The following MCM8 variants were observed in gnomAD, a reference collection of about 807,000 sequenced individuals.
MCM8 encodes the protein DNA helicase MCM8.
In MCM8, 85 loss-of-function variants were observed where a neutral mutation model predicts 98.9. The ratio of observed to expected loss-of-function variants is 0.86; its 90% confidence interval spans 0.72 to 1.03. The LOEUF (loss-of-function observed/expected upper bound fraction) is 1.03. MCM8 is among the 50% of genes least tolerant of loss of function. MCM8 has a pLI of 0.00. For synonymous variants in MCM8, 352 were observed against 338.6 expected (o/e 1.04, Z -0.44); for missense variants, 951 against 997.8 (o/e 0.95, Z 0.63).
chr20:5,957,158 T>C lies in MCM8; in HGVS notation c.519T>C (p.Ala173=). The change falls in exon 6 of 19, where the codon GCT becomes GCC. Residue 173 remains alanine, a synonymous_variant. Transcript: ENST00000610722. ...VLTKDLERHA[A]ELQAQEGLSN... is the part of the protein sequence containing the mutation. ...CTAAGGACCTTGAAAGGCATGCAGC[T>C]GAGTTACAAGCCCAGGAAGGATTGT... 6.2e-7 allele frequency: 1 copy of C among 1,613,786 alleles called. No homozygotes were observed. The highest frequency in any genetic ancestry group is 8.5e-7 in the Non-Finnish European group (1 of 1,179,800).
chr20:5,982,522 G>A (rs2089649487), intron 13 of MCM8, among the ~76,000 whole-genome samples: 1 of 152,092 alleles, frequency 6.6e-6, no homozygotes, highest in Non-Finnish European at 1.5e-5. Flanking sequence ...TTCCCTATAA[G>A]TGCATACAAG....
chr20:5,960,832 G>C, intron 7 of MCM8, among the ~76,000 whole-genome samples: 1 of 152,214 alleles, frequency 6.6e-6, no homozygotes, highest in East Asian at 1.9e-4. Flanking sequence ...CTACTCGGGA[G>C]GCTGAGGCCG....
rs995800773 is a variant in MCM8 at position 5,967,994 on chromosome 20, G to A, written c.1192G>A (p.Ala398Thr). Residue 398 changes from alanine (A) to threonine (T), a missense_variant, in exon 10 of 19, where the codon GCT becomes ACT. Transcript: ENST00000610722. The stretch of plus-strand genomic sequence containing the variant: ...CCTTTATGCCATCCAAGAGATTCAA[G>A]CTGAAGAAAACCTGTTTAAACTCAT... The part of the protein sequence containing the change: ...KDLYAIQEIQ[A>T]EENLFKLIVN... The A allele has an allele frequency of 9.3e-6, 15 of 1,611,728 alleles. No individual in the cohort carries two copies. The highest frequency in any genetic ancestry group is 2.7e-5 in the African/African-American group (2 of 74,796).
chr20:5,994,460 T>A lies in MCM8; in HGVS notation c.*69T>A. On this transcript the variant is annotated 3_prime_UTR_variant, in exon 19 of 19. Coordinates refer to ENST00000610722, the MANE Select transcript of MCM8 (RefSeq NM_032485.6). Reference sequence around the variant, plus strand: ...AAAGCCATCTCAGTGAAGATATGCGTGCACGCACAGACAGACAGACACACA... The same window carrying A: ...AAAGCCATCTCAGTGAAGATATGCGAGCACGCACAGACAGACAGACACACA... 2.6e-6 allele frequency: 2 copies of A among 767,010 alleles called. No individual in the cohort carries two copies. Among genetic ancestry groups the A allele is most frequent in the Non-Finnish European group, 4.3e-6 (2 of 464,458 alleles). 47.5% of individuals were successfully genotyped at this position (767,010 alleles called of 1,614,324 possible).
At chr20:5,971,348 TTG>T (rs2089397969) in intron 10 of MCM8, among the ~76,000 whole-genome samples, 2 of 152,368 alleles carry the variant, frequency 1.3e-5, no homozygotes, top group South Asian at 4.1e-4. Flanking sequence ...TGATAAAACT[TTG>T]GTCTCTACAA....
chr20:5,979,826 C>T (rs1568590522), intron 13 of MCM8, among the ~76,000 whole-genome samples: 1 of 152,200 alleles, frequency 6.6e-6, no homozygotes, highest in Non-Finnish European at 1.5e-5. Context: ...TACTCTTGCT[C>T]ATAACCCTCC....
intron 7 of MCM8, among the ~76,000 whole-genome samples, chr20:5,959,109 T>C (rs1349612014): frequency 6.6e-6 from 1 of 152,114 alleles, no homozygotes. Context: ...TTTTTTCCCC[T>C]TTATTTCTTC....
At chr20:5,986,619 C>T (rs1287466843) in intron 16 of MCM8, among the ~76,000 whole-genome samples, 2 of 152,140 alleles carry the variant, frequency 1.3e-5, no homozygotes, top group African/African-American at 2.4e-5. Flanking sequence ...GGGCTTTTTG[C>T]TCCTAAAATC....
At chr20:5,955,925 T>C (rs1215916935) in intron 5 of MCM8, among the ~76,000 whole-genome samples, 2 of 152,022 alleles carry the variant, frequency 1.3e-5, no homozygotes, top group African/African-American at 4.8e-5. Context: ...TGCACCACCA[T>C]GCCCAGCTAA....
intron 14 of MCM8, 55 bp downstream of exon 14, chr20:5,983,220 A>AC: frequency 1.4e-6 from 2 of 1,409,416 alleles, no homozygotes; most frequent in African/African-American, 1.5e-5. Flanking sequence ...TTAATTCAAT[A>AC]AGAAAAAGAA....
At chr20:5,962,684 AATGGAGGAGT>A (rs1468568723) in intron 7 of MCM8, among the ~76,000 whole-genome samples, 1 of 152,024 alleles carries the variant, frequency 6.6e-6, no homozygotes, top group Non-Finnish European at 1.5e-5. Flanking sequence ...TTCATTTCTT[AATGGAGGAGT>A]AGCAAGGTTC....
Position 5,985,980 on chromosome 20 carries a change from G to C in MCM8, c.2012G>C (p.Gly671Ala). The change falls in exon 16 of 19, where the codon GGC becomes GCC. Residue 671 changes from glycine to alanine, a missense_variant. Coordinates refer to ENST00000610722, the MANE Select transcript of MCM8 (RefSeq NM_032485.6). ...CACCAGCTATTGAGAAAGTACATTGGCTATGCTCGGCAGTATGTGTACCCA... is the reference window on the plus strand; with the variant it reads ...CACCAGCTATTGAGAAAGTACATTGCCTATGCTCGGCAGTATGTGTACCCA... ...IPHQLLRKYI[G>A]YARQYVYPRL... is the part of the protein sequence containing the mutation. 1 of 1,614,202 alleles carries C rather than the reference G, an allele frequency of 6.2e-7. No individual in the cohort carries two copies. Among genetic ancestry groups the C allele is most frequent in the Non-Finnish European group, 8.5e-7 (1 of 1,180,040 alleles).
chr20:5,953,983 T>C (rs1184086613), intron 3 of MCM8, among the ~76,000 whole-genome samples: 1 of 152,174 alleles, frequency 6.6e-6, no homozygotes, highest in Non-Finnish European at 1.5e-5. Context: ...AGCACTCCCA[T>C]TGCTCCCCTA....
intron 7 of MCM8, among the ~76,000 whole-genome samples, chr20:5,959,288 A>G (rs1197521126): frequency 6.6e-6 from 1 of 152,232 alleles, no homozygotes; most frequent in African/African-American, 2.4e-5. Context: ...ATGGTTATAT[A>G]AAGTTGAAGT....
intron 17 of MCM8, among the ~76,000 whole-genome samples, chr20:5,989,582 T>G (rs974854678): frequency 6.6e-6 from 1 of 152,234 alleles, no homozygotes. Context: ...CTCAGTGCTC[T>G]CCATCTAAAT....
rs1260330103 is a variant in MCM8 at position 5,996,642 on chromosome 20, A to G, written c.*2251A>G. 2 of 152,242 alleles carry G rather than the reference A, an allele frequency of 1.3e-5. No homozygotes were observed. The highest frequency in any genetic ancestry group is 2.9e-5 in the Non-Finnish European group (2 of 68,044). 9.4% of individuals were successfully genotyped at this position (152,242 alleles called of 1,614,324 possible). Reference sequence around the variant, plus strand: ...TGGTAGACAGAAGAGAAAATATACTAATTTATTGTTCAAAGAGGAAAATAA... The same window carrying G: ...TGGTAGACAGAAGAGAAAATATACTGATTTATTGTTCAAAGAGGAAAATAA... On this transcript the variant is annotated 3_prime_UTR_variant, in exon 19 of 19. Transcript: ENST00000610722.
chr20:5,958,921 C>T (rs964048014), intron 7 of MCM8, among the ~76,000 whole-genome samples, 195 bp downstream of exon 7: 1 of 152,096 alleles, frequency 6.6e-6, no homozygotes, highest in Non-Finnish European at 1.5e-5. Context: ...ACTCATCACC[C>T]CGAATTTACA....
At chr20:5,958,415 G>T in intron 6 of MCM8, 113 bp from the exon 7 acceptor site, 1 of 759,786 alleles carries the variant, frequency 1.3e-6, no homozygotes. Context: ...TGATATTTCT[G>T]ATATATCGAA....
At chr20:5,952,185 T>C (rs1194239990) in intron 2 of MCM8, 22 bp downstream of exon 2, 1 of 1,608,616 alleles carries the variant, frequency 6.2e-7, no homozygotes, top group South Asian at 1.1e-5. Flanking sequence ...CAATGATTGT[T>C]CAATTTTTTT....
Sources: gnomAD v4.1 joint callset for allele counts (sites outside exome capture counted in the v4.1 genomes callset) on GRCh38, gnomAD v4.1.1 for gene constraint, MANE v1.5 for transcripts, NCBI Gene and HGNC (gene_info 2026-07-23, HGNC 2026-07-21) for gene names.